The following DOCK3 variants were observed in gnomAD, a reference collection of about 807,000 sequenced individuals.
The protein encoded by DOCK3 is dedicator of cytokinesis 3.
Under a neutral mutation model 265.6 loss-of-function variants are expected in DOCK3, and 60 were observed. The ratio of observed to expected loss-of-function variants is 0.23; its 90% CI spans 0.18 to 0.28. The LOEUF is 0.28. Among genes scored for constraint, DOCK3 ranks in the 10% least tolerant of loss-of-function variants. The probability of loss-of-function intolerance (pLI) is 1.00; values close to 1 mark genes in which losing one functional copy is unlikely to be tolerated. For missense variants in DOCK3, 1,981 were observed against 2,594.3 expected, an observed-to-expected ratio of 0.76 and a Z score of 5.14; for synonymous variants, 881 against 938.0, an observed-to-expected ratio of 0.94 and a Z score of 1.11.
At chr3:50,918,949 G>A (rs2050281263) in intron 4 of DOCK3, among the ~76,000 whole-genome samples, 2 of 152,164 alleles carry the variant, frequency 1.3e-5, no homozygotes, top group Admixed American at 6.5e-5. Context: ...AAAGTGTAAG[G>A]AAGGGATCCA....
intron 9 of DOCK3, among the ~76,000 whole-genome samples, chr3:51,107,062 G>A (rs1049745910): frequency 6.6e-6 from 1 of 152,172 alleles, no homozygotes; most frequent in Non-Finnish European, 1.5e-5. Context: ...AGTTTCCAGA[G>A]TGAAACCAGA....
At chr3:51,109,576 A>T (rs763736966) in intron 9 of DOCK3, among the ~76,000 whole-genome samples, 3 of 152,136 alleles carry the variant, frequency 2.0e-5, no homozygotes, top group Non-Finnish European at 4.4e-5. Flanking sequence ...ATGAATCAAG[A>T]TGATTTTTTG....
rs1199279144 is a variant in DOCK3, at chr3:50,968,900, T to C, written c.315+34823T>C. Among the ~76,000 whole-genome samples, 5 of 152,332 alleles carry C rather than the reference T, an allele frequency of 3.3e-5. 1 individual carries two copies. In the Middle Eastern group the frequency reaches 0.01, roughly 311 times the overall value. On this transcript the variant is annotated intron_variant, in intron 5 of 52. Coordinates refer to ENST00000266037, the MANE Select transcript of DOCK3 (RefSeq NM_004947.5). The stretch of plus-strand genomic sequence containing the variant: ...TTGCGACTAATTTTGTGTCCTGATA[T>C]ATAGCCCATCTTGGAAAATGTTCCA...
At chr3:51,054,819 T>C (rs907464536) in intron 5 of DOCK3, among the ~76,000 whole-genome samples, 3 of 152,212 alleles carry the variant, frequency 2.0e-5, no homozygotes, top group Non-Finnish European at 4.4e-5. Flanking sequence ...TGCCCTATTC[T>C]TCTTTGGATG....
At chr3:50,794,742 T>C (rs2042676489) in intron 2 of DOCK3, among the ~76,000 whole-genome samples, 1 of 152,204 alleles carries the variant, frequency 6.6e-6, no homozygotes, top group African/African-American at 2.4e-5. Flanking sequence ...AGGGTTATTA[T>C]TGATATGTGT....
chr3:50,748,688 C>T (rs934459667), intron 1 of DOCK3, among the ~76,000 whole-genome samples: 4 of 152,208 alleles, frequency 2.6e-5, no homozygotes, highest in Admixed American at 6.5e-5. Flanking sequence ...TCCAAACTCT[C>T]TACCCTCTTT....
At chr3:51,135,072 C>T (rs1413819027) in intron 9 of DOCK3, among the ~76,000 whole-genome samples, 1 of 152,252 alleles carries the variant, frequency 6.6e-6, no homozygotes, top group African/African-American at 2.4e-5. Flanking sequence ...GTATCTCCCT[C>T]TCACATATTT....
intron 1 of DOCK3, among the ~76,000 whole-genome samples, chr3:50,777,660 AT>A (rs2041681905): frequency 6.6e-6 from 1 of 151,658 alleles, no homozygotes; most frequent in South Asian, 2.1e-4. Flanking sequence ...TAGGTATTTT[AT>A]TTTTATTTTT....
intron 32 of DOCK3, 26 bp downstream of exon 32, chr3:51,315,154 T>C (rs370022293): frequency 1.3e-6 from 2 of 1,575,430 alleles, no homozygotes; most frequent in Non-Finnish European, 1.7e-6. Context: ...GTGTTCGGGG[T>C]ATTCTCTGGA....
chr3:50,916,453 C>G (rs545376333), intron 4 of DOCK3, among the ~76,000 whole-genome samples: 1 of 152,136 alleles, frequency 6.6e-6, no homozygotes, highest in Admixed American at 6.5e-5. Context: ...GGCCAACTTT[C>G]TCTTCTCACC....
chr3:51,033,669 A>G lies in DOCK3; in HGVS notation c.316-30779A>G, dbSNP rs115137668. Among the ~76,000 whole-genome samples the G allele has an allele frequency of 6.6e-3, 1,007 of 152,266 alleles. 6 individuals are homozygous for G. Among genetic ancestry groups the G allele is most frequent in the African/African-American group, 0.023 (940 of 41,546 alleles). Reference sequence around the variant, plus strand: ...AGTTATAATTGTGTAAGTTGAACCAATTGAGATATCGGTGGTGTTGGCTGT... The same window carrying G: ...AGTTATAATTGTGTAAGTTGAACCAGTTGAGATATCGGTGGTGTTGGCTGT... On this transcript the variant is annotated intron_variant, in intron 5 of 52. Coordinates refer to ENST00000266037, the MANE Select transcript of DOCK3 (RefSeq NM_004947.5).
chr3:50,826,325 T>G (rs1202802580), intron 2 of DOCK3, among the ~76,000 whole-genome samples: 1 of 152,186 alleles, frequency 6.6e-6, no homozygotes, highest in East Asian at 1.9e-4. Context: ...AGTAAATTTT[T>G]CCTGTTTGAA....
chr3:51,376,660 G>A (rs991508813), intron 51 of DOCK3, among the ~76,000 whole-genome samples: 2 of 152,194 alleles, frequency 1.3e-5, no homozygotes, highest in African/African-American at 2.4e-5. Flanking sequence ...GGCACACTCA[G>A]TTCCCACCAA....
At chr3:51,266,006 A>T (rs921571551) in intron 23 of DOCK3, among the ~76,000 whole-genome samples, 1 of 152,220 alleles carries the variant, frequency 6.6e-6, no homozygotes, top group African/African-American at 2.4e-5. Context: ...AAGTCTCAGG[A>T]TACAAAAAGC....
intron 6 of DOCK3, among the ~76,000 whole-genome samples, chr3:51,069,016 A>C (rs2081735152): frequency 6.6e-6 from 1 of 152,176 alleles, no homozygotes; most frequent in Non-Finnish European, 1.5e-5. Context: ...TAAAATTTGA[A>C]TATTCAGACA....
intron 5 of DOCK3, among the ~76,000 whole-genome samples, chr3:50,987,860 G>A (rs1375693921): frequency 6.6e-6 from 1 of 152,176 alleles, no homozygotes; most frequent in Non-Finnish European, 1.5e-5. Context: ...AACCCACTCC[G>A]CTAGGGCCTT....
intron 4 of DOCK3, among the ~76,000 whole-genome samples, chr3:50,927,360 CA>C (rs2050813709): frequency 6.6e-6 from 1 of 152,106 alleles, no homozygotes; most frequent in African/African-American, 2.4e-5. Context: ...GATAGCACAA[CA>C]GGATGTCTAT....
chr3:51,031,939 G>C (rs181618303), intron 5 of DOCK3, among the ~76,000 whole-genome samples: 1 of 152,240 alleles, frequency 6.6e-6, no homozygotes, highest in Non-Finnish European at 1.5e-5. Context: ...TAGTGTACTG[G>C]TGCCCTGATC....
intron 27 of DOCK3, among the ~76,000 whole-genome samples, chr3:51,296,505 C>T (rs1208548203): frequency 1.4e-5 from 2 of 146,666 alleles, no homozygotes; most frequent in African/African-American, 2.5e-5. Flanking sequence ...GAGATGGAGT[C>T]TTGCTCTGTT....
Sources: allele counts gnomAD v4.1 joint callset (sites outside exome capture counted in the v4.1 genomes callset), GRCh38; gene constraint gnomAD v4.1.1; transcripts MANE v1.5; gene names NCBI Gene and HGNC (gene_info 2026-07-23, HGNC 2026-07-21).